The following RIMBP2 variants were observed in gnomAD, a reference collection of about 807,000 sequenced individuals.
RIMBP2 encodes the protein RIMS binding protein 2.
Under a neutral mutation model 118.6 loss-of-function variants are expected in RIMBP2, and 48 were observed. The ratio of observed to expected loss-of-function variants is 0.40; its 90% CI spans 0.32 to 0.51. The LOEUF is 0.51. RIMBP2 is among the 20% of genes least tolerant of loss of function. RIMBP2 has a pLI of 0.41. For missense variants in RIMBP2, 1,551 were observed against 1,768.3 expected (o/e 0.88, Z 2.20); for synonymous variants, 762 against 742.9 (o/e 1.03, Z -0.42).
chr12:130,646,582 G>A (rs188040943), intron 1 of RIMBP2, among the ~76,000 whole-genome samples: 43 of 151,896 alleles, frequency 2.8e-4, no homozygotes, highest in East Asian at 2.3e-3. Context: ...ATCCAAGGTC[G>A]CAAGCACACG....
chr12:130,451,727 G>A (rs991671026), intron 7 of RIMBP2, among the ~76,000 whole-genome samples: 9 of 152,256 alleles, frequency 5.9e-5, no homozygotes, highest in African/African-American at 2.2e-4. Context: ...ACGTGAGGAC[G>A]GCGCCTGCTC....
intron 1 of RIMBP2, among the ~76,000 whole-genome samples, chr12:130,629,363 A>G (rs1030064799): frequency 6.6e-6 from 1 of 152,224 alleles, no homozygotes; most frequent in African/African-American, 2.4e-5. Flanking sequence ...CCCAAGCATG[A>G]GTAAGATCAA....
At chr12:130,664,415 A>ACGCACGCACGCACGCACACACACGCACG (rs1195044326) in intron 1 of RIMBP2, among the ~76,000 whole-genome samples, 2 of 130,494 alleles carry the variant, frequency 1.5e-5, no homozygotes, top group East Asian at 2.3e-4. Context: ...ACGCACGCAC[A>ACGCACGCACGCACGCACACACACGCACG]CACACGCACA....
At chr12:130,502,719 T>C (rs546405269) in intron 4 of RIMBP2, among the ~76,000 whole-genome samples, 1 of 152,326 alleles carries the variant, frequency 6.6e-6, no homozygotes, top group Non-Finnish European at 1.5e-5. Context: ...TTTTTCTTCA[T>C]CGGGCAGTTG....
chr12:130,571,154 G>T (rs528560280), intron 2 of RIMBP2, among the ~76,000 whole-genome samples: 4 of 149,178 alleles, frequency 2.7e-5, no homozygotes, highest in African/African-American at 9.8e-5. Flanking sequence ...GAGAGATATA[G>T]GCTTTACTGG....
intron 5 of RIMBP2, among the ~76,000 whole-genome samples, chr12:130,474,359 G>A (rs191374099): frequency 2.6e-5 from 4 of 152,188 alleles, no homozygotes; most frequent in Non-Finnish European, 4.4e-5. Context: ...CTACTGCCCC[G>A]ACTGACGGAA....
At chr12:130,445,134 C>T (rs376477194) in intron 10 of RIMBP2, 26 bp downstream of exon 10, 84 of 1,505,194 alleles carry the variant, frequency 5.6e-5, no homozygotes, top group Admixed American at 3.2e-4. Flanking sequence ...AGCCTACGTC[C>T]GCCACAGCCA....
intron 2 of RIMBP2, among the ~76,000 whole-genome samples, chr12:130,592,675 ACT>A (rs1191193945): frequency 1.2e-5 from 1 of 85,850 alleles, no homozygotes; most frequent in Admixed American, 1.4e-4. Flanking sequence ...GGCAATAGAG[ACT>A]CTGTCAAAAA....
intron 6 of RIMBP2, chr12:130,465,389 C>G (rs920464102): frequency 6.6e-6 from 1 of 152,444 alleles, no homozygotes; most frequent in Non-Finnish European, 1.5e-5. Context: ...GCTGCCGACA[C>G]GCACACGCCA....
Position 130,483,822 on chromosome 12 carries a change from G to A in RIMBP2, c.-3-4806C>T, listed in dbSNP as rs371142099. Among the ~76,000 whole-genome samples, 89 of 141,780 alleles carry A rather than the reference G, an allele frequency of 6.3e-4. 2 individuals carry two copies. In the South Asian group the frequency reaches 0.017, roughly 28 times the overall value. The allele number at this position is 141,780 out of a possible 152,430, so 93.0% of individuals were successfully genotyped here. A position where few individuals can be genotyped will look rare whatever the true frequency, so the allele number is the denominator to read the frequency against. On this transcript the variant is annotated intron_variant, in intron 4 of 22. Transcript: ENST00000690449. ...CCGTCCCCACCTAGATACGGTGCCC[G>A]GAGCCCCGACCCTCACCTACACACG...
rs528428070 is a variant in RIMBP2, at chr12:130,436,452, C to T, written c.2106+390G>A. ...GTGTGTATATATTTACATGCACACACACACAGAACCTAGGACTCTGCAGCC... is the reference window on the plus strand; with the variant it reads ...GTGTGTATATATTTACATGCACACATACACAGAACCTAGGACTCTGCAGCC... On this transcript the variant is annotated intron_variant, in intron 13 of 22. Coordinates refer to ENST00000690449, the MANE Select transcript of RIMBP2 (RefSeq NM_001393629.1). Among the ~76,000 whole-genome samples the T allele has an allele frequency of 1.6e-4, 24 of 152,212 alleles. No individual in the cohort carries two copies. In the South Asian group the frequency reaches 4.8e-3, roughly 30 times the overall value.
intron 2 of RIMBP2, among the ~76,000 whole-genome samples, chr12:130,568,393 C>T (rs1351431439): frequency 6.6e-6 from 1 of 152,220 alleles, no homozygotes; most frequent in Non-Finnish European, 1.5e-5. Context: ...AACAGTCTGG[C>T]TGGATCAGTG....
At chr12:130,682,064 C>A (rs1206876026) in intron 1 of RIMBP2, among the ~76,000 whole-genome samples, 1 of 152,216 alleles carries the variant, frequency 6.6e-6, no homozygotes, top group African/African-American at 2.4e-5. Context: ...ATGTGGGGCC[C>A]AACTTCCATA....
At chr12:130,667,639 G>A (rs1027277795) in intron 1 of RIMBP2, 3 of 152,296 alleles carry the variant, frequency 2.0e-5, no homozygotes, top group African/African-American at 7.2e-5. Context: ...ACAGCTGCAG[G>A]CGGAGGACTG....
At chr12:130,507,626 T>C (rs1052860573) in intron 3 of RIMBP2, among the ~76,000 whole-genome samples, 2 of 152,202 alleles carry the variant, frequency 1.3e-5, no homozygotes, top group African/African-American at 4.8e-5. Context: ...TACAAGCTTA[T>C]TGGGAAGGCA....
intron 1 of RIMBP2, among the ~76,000 whole-genome samples, chr12:130,714,498 G>A (rs1156338327): frequency 6.6e-6 from 1 of 152,040 alleles, no homozygotes; most frequent in African/African-American, 2.4e-5. Context: ...CCCCCATAGC[G>A]CCAGCATCTT....
At chr12:130,549,800 A>G (rs565600099) in intron 2 of RIMBP2, among the ~76,000 whole-genome samples, 52 of 152,256 alleles carry the variant, frequency 3.4e-4, no homozygotes, top group African/African-American at 1.2e-3. Context: ...GCTACTGTGA[A>G]TAGTGCTGCA....
intron 2 of RIMBP2, among the ~76,000 whole-genome samples, chr12:130,554,605 T>G (rs890736192): frequency 6.6e-6 from 1 of 152,172 alleles, no homozygotes. Context: ...TACTCCTAAA[T>G]GTTTATTTAA....
intron 1 of RIMBP2, among the ~76,000 whole-genome samples, chr12:130,684,268 C>T (rs183797107): frequency 1.3e-5 from 2 of 152,256 alleles, no homozygotes; most frequent in African/African-American, 4.8e-5. Context: ...TTGAGTTGCA[C>T]CAAATCAACG....
Sources: allele counts gnomAD v4.1 joint callset (sites outside exome capture counted in the v4.1 genomes callset), GRCh38; gene constraint gnomAD v4.1.1; transcripts MANE v1.5; gene names NCBI Gene and HGNC (gene_info 2026-07-23, HGNC 2026-07-21).